CSNK1G1: variants seen among roughly 807,000 people sequenced by gnomAD.
CSNK1G1 encodes casein kinase I isoform gamma-1.
In CSNK1G1, 22 loss-of-function variants were observed where a neutral mutation model predicts 59.6. The ratio of observed to expected loss-of-function variants is 0.37; its 90% confidence interval spans 0.26 to 0.53. CSNK1G1 has a LOEUF of 0.53. Among genes scored for constraint, CSNK1G1 ranks in the 20% least tolerant of loss-of-function variants. CSNK1G1 has a pLI of 0.89. For missense variants in CSNK1G1, 384 were observed against 519.5 expected (o/e 0.74, Z 2.54); for synonymous variants, 179 against 177.1 (o/e 1.01, Z -0.08).
At chr15:64,297,406 G>C (rs1895083856) in intron 2 of CSNK1G1, among the ~76,000 whole-genome samples, 2 of 152,038 alleles carry the variant, frequency 1.3e-5, no homozygotes, top group Non-Finnish European at 2.9e-5. Flanking sequence ...TAAAGGCTCT[G>C]AAGCAGAAAT....
At chr15:64,227,133 T>C (rs1444693301) in intron 4 of CSNK1G1, among the ~76,000 whole-genome samples, 2 of 152,260 alleles carry the variant, frequency 1.3e-5, no homozygotes, top group African/African-American at 2.4e-5. Flanking sequence ...GAATGCCTAA[T>C]GCTTTCCTCA....
At position 64,171,776 on chromosome 15, in the gene CSNK1G1, C is replaced by T. The variant is rs888442768; in HGVS notation, c.*155G>A. 3.5e-5 allele frequency: 24 copies of T among 695,430 alleles called. No homozygotes were observed. The highest frequency in any genetic ancestry group is 5.1e-5 in the South Asian group (3 of 58,846). The allele number at this position is 695,430 out of a possible 1,614,324, so 43.1% of individuals were successfully genotyped here. On this transcript the variant is annotated 3_prime_UTR_variant, in exon 12 of 12. Transcript: ENST00000303052. This position sits in a 1 kb window ranked among gnomAD's most constrained non-coding sequence, Gnocchi z 4.8. ...AATGACCCACTAGGCCCTGGCTGCC[C>T]GCACTGGCCCCTTCTGGGGGCATCT...
At chr15:64,208,074 T>G (rs1319913213) in intron 6 of CSNK1G1, among the ~76,000 whole-genome samples, 1 of 152,242 alleles carries the variant, frequency 6.6e-6, no homozygotes, top group African/African-American at 2.4e-5. Context: ...GTGCTTTTTA[T>G]TCATCATAAA....
chr15:64,196,298 A>G (rs74928945), intron 10 of CSNK1G1, among the ~76,000 whole-genome samples: 1,819 of 152,354 alleles, frequency 0.012, 18 homozygotes, highest in Non-Finnish European at 0.016. Flanking sequence ...GCAGTCCTTT[A>G]GGAACCATAT....
intron 1 of CSNK1G1, among the ~76,000 whole-genome samples, chr15:64,337,009 C>T (rs1897421814): frequency 1.3e-5 from 2 of 151,994 alleles, no homozygotes; most frequent in Non-Finnish European, 2.9e-5. Flanking sequence ...GGGTAAATCA[C>T]CTGAGGTCAG....
At position 64,171,716 on chromosome 15, in the gene CSNK1G1, G is replaced by T. The variant is rs768506985; in HGVS notation, c.*215C>A. Reference sequence around the variant, plus strand: ...AGCAGTGGAGGAACAGCAGCTCTGGGACCTGCTCAGAGCCTTAGGCAGGCG... The same window carrying T: ...AGCAGTGGAGGAACAGCAGCTCTGGTACCTGCTCAGAGCCTTAGGCAGGCG... On this transcript the variant is annotated 3_prime_UTR_variant, in exon 12 of 12. Transcript: ENST00000303052. The surrounding 1 kb of genome is among the most constrained non-coding windows in gnomAD (Gnocchi z 4.8). The T allele has an allele frequency of 2.8e-4, 167 of 593,360 alleles. No individual in the cohort carries two copies. The highest frequency in any genetic ancestry group is 3.8e-4 in the Non-Finnish European group (128 of 333,286). 36.8% of individuals were successfully genotyped at this position (593,360 alleles called of 1,614,324 possible).
chr15:64,178,490 T>TTC (rs1392861356), intron 11 of CSNK1G1, among the ~76,000 whole-genome samples: 2 of 147,416 alleles, frequency 1.4e-5, no homozygotes, highest in Non-Finnish European at 1.5e-5. Flanking sequence ...TTCTTTTTTT[T>TTC]TTTTTTTTTT....
chr15:64,289,380 G>C (rs1462028887), intron 2 of CSNK1G1, among the ~76,000 whole-genome samples: 2 of 152,042 alleles, frequency 1.3e-5, no homozygotes, highest in Non-Finnish European at 2.9e-5. Flanking sequence ...ACTTTATTTT[G>C]ATGGATTATG....
intron 2 of CSNK1G1, among the ~76,000 whole-genome samples, chr15:64,259,823 A>G (rs890308096): frequency 4.6e-5 from 7 of 152,214 alleles, no homozygotes; most frequent in Non-Finnish European, 1.0e-4. Flanking sequence ...CAACAGACTT[A>G]TATCTTTAAC....
chr15:64,232,012 G>A (rs948328766), intron 4 of CSNK1G1, among the ~76,000 whole-genome samples: 1 of 152,174 alleles, frequency 6.6e-6, no homozygotes, highest in African/African-American at 2.4e-5. Context: ...ACAGTGATGT[G>A]TAGTGTTTTG....
Position 64,204,445 on chromosome 15 carries a change from G to A in CSNK1G1, c.995C>T (p.Pro332Leu). 2 of 1,571,898 alleles carry A rather than the reference G, an allele frequency of 1.3e-6. No individual in the cohort carries two copies. The highest frequency in any genetic ancestry group is 1.4e-5 in the African/African-American group (1 of 71,850). Reference sequence around the variant, plus strand: ...AAAAAAAAAAAGGATACTTACAATAGGTCTCCCAACCCAATCATAGGCATA... The same window carrying A: ...AAAAAAAAAAAGGATACTTACAATAAGTCTCCCAACCCAATCATAGGCATA... ...FDYAYDWVGR[P>L]IPTPVGSVHV... Residue 332 changes from proline to leucine, a missense_variant, in exon 9 of 12, where the codon CCT (proline) becomes CTT (leucine). Transcript: ENST00000303052.
rs2082284731 is a variant in CSNK1G1, at chr15:64,214,347, C to G, written c.445-223G>C. Among the ~76,000 whole-genome samples the G allele has an allele frequency of 6.6e-6, 1 of 152,136 alleles. No homozygotes were observed. The highest frequency in any genetic ancestry group is 2.4e-5 in the African/African-American group (1 of 41,444). On this transcript the variant is annotated intron_variant, in intron 5 of 11. Coordinates refer to ENST00000303052, the MANE Select transcript of CSNK1G1 (RefSeq NM_022048.5). This position sits in a 1 kb window ranked among gnomAD's most constrained non-coding sequence, Gnocchi z 4.3. ...GACTAGGAAAAAAAGTGGGATAGTACAGGTCTGCTAAAATGATAGCTCAAT... is the reference window on the plus strand; with the variant it reads ...GACTAGGAAAAAAAGTGGGATAGTAGAGGTCTGCTAAAATGATAGCTCAAT...
intron 2 of CSNK1G1, among the ~76,000 whole-genome samples, chr15:64,278,414 GTGTGTATATATA>G (rs1566930952): frequency 8.5e-5 from 9 of 105,918 alleles, no homozygotes; most frequent in African/African-American, 4.7e-4. Context: ...GTGTGTGTGT[GTGTGTATATATA>G]TATATATTTT....
rs1449349960 is a variant in CSNK1G1 at position 64,171,202 on chromosome 15, T to C, written c.*729A>G. 6.5e-6 allele frequency: 1 copy of C among 152,688 alleles called. No homozygotes were observed. The highest frequency in any genetic ancestry group is 1.5e-5 in the Non-Finnish European group (1 of 68,060). 9.5% of individuals were successfully genotyped at this position (152,688 alleles called of 1,614,324 possible). A position where few individuals can be genotyped will look rare whatever the true frequency, so the allele number is the denominator to read the frequency against. On this transcript the variant is annotated 3_prime_UTR_variant, in exon 12 of 12. Transcript: ENST00000303052. The surrounding 1 kb of genome is among the most constrained non-coding windows in gnomAD (Gnocchi z 4.8). ...AAAAGTGCAACAAAGTCAGTTTTCT[T>C]TCCTTTGCTTAGAACAATTTTCATT...
intron 4 of CSNK1G1, among the ~76,000 whole-genome samples, chr15:64,223,140 G>T (rs1221951972): frequency 6.6e-6 from 1 of 152,006 alleles, no homozygotes. Flanking sequence ...TGTGCTGGTG[G>T]TAAAAGACAC....
intron 2 of CSNK1G1, among the ~76,000 whole-genome samples, chr15:64,262,528 G>A (rs1892750067): frequency 6.6e-6 from 1 of 152,194 alleles, no homozygotes; most frequent in African/African-American, 2.4e-5. Flanking sequence ...TGTGTGGGAA[G>A]AAACAGAAGA....
intron 4 of CSNK1G1, among the ~76,000 whole-genome samples, chr15:64,220,180 C>T (rs181920605): frequency 1.4e-3 from 211 of 152,074 alleles, no homozygotes; most frequent in African/African-American, 4.7e-3. Context: ...CTGCAACCTC[C>T]GCCTCTTGGG....
intron 10 of CSNK1G1, among the ~76,000 whole-genome samples, chr15:64,198,596 C>G (rs997200112): frequency 1.3e-5 from 2 of 151,998 alleles, no homozygotes; most frequent in African/African-American, 4.8e-5. Flanking sequence ...AAAGTCAATA[C>G]CTGTCAATCT....
At chr15:64,249,904 G>C (rs1891980171) in intron 4 of CSNK1G1, among the ~76,000 whole-genome samples, 1 of 152,090 alleles carries the variant, frequency 6.6e-6, no homozygotes, top group African/African-American at 2.4e-5. Flanking sequence ...GGATCTATTT[G>C]AAAGGGCTTA....
Sources: gnomAD v4.1 joint callset for allele counts (sites outside exome capture counted in the v4.1 genomes callset) on GRCh38, gnomAD v4.1.1 for gene constraint, Gnocchi (gnomAD v3.1) non-coding constraint, MANE v1.5 for transcripts, NCBI Gene and HGNC (gene_info 2026-07-23, HGNC 2026-07-21) for gene names.